PCDH15: variants seen among roughly 807,000 people sequenced by gnomAD.
PCDH15 encodes the protein protocadherin related 15.
A neutral mutation model predicts 178.5 loss-of-function variants in PCDH15; 129 were observed. That is an observed-to-expected ratio of 0.72 (90% CI 0.63 to 0.84). PCDH15 has a LOEUF of 0.84. Among genes scored for constraint, PCDH15 ranks in the 40% least tolerant of loss-of-function variants. The probability of loss-of-function intolerance (pLI) is 0.00; values close to 1 mark genes in which losing one functional copy is unlikely to be tolerated. For synonymous variants in PCDH15, 800 were observed against 732.0 expected (o/e 1.09, Z -1.50); for missense variants, 2,230 against 2,099.9 (o/e 1.06, Z -1.21).
At chr10:55,121,354 G>A (rs534942395) in intron 2 of PCDH15, among the ~76,000 whole-genome samples, 3 of 55,342 alleles carry the variant, frequency 5.4e-5, no homozygotes, top group Admixed American at 3.0e-4. Context: ...CACAGGCTCA[G>A]AGCTGGGGGG....
At chr10:53,818,951 G>T (rs2132451551) in intron 33 of PCDH15, among the ~76,000 whole-genome samples, 1 of 151,974 alleles carries the variant, frequency 6.6e-6, no homozygotes, top group Admixed American at 6.6e-5. Flanking sequence ...ATCTTGTATG[G>T]TTTATGCATT....
At chr10:53,877,733 T>C (rs1201165261) in intron 26 of PCDH15, among the ~76,000 whole-genome samples, 1 of 152,124 alleles carries the variant, frequency 6.6e-6, no homozygotes, top group Non-Finnish European at 1.5e-5. Flanking sequence ...TGAACTGTTC[T>C]AAAAAATTTC....
At chr10:54,303,298 C>G (rs1353537384) in intron 8 of PCDH15, among the ~76,000 whole-genome samples, 2 of 151,724 alleles carry the variant, frequency 1.3e-5, no homozygotes, top group African/African-American at 4.8e-5. Flanking sequence ...TTCTACAGAC[C>G]AAAAATATTG....
chr10:54,622,308 CT>C (rs2093378349), intron 2 of PCDH15, among the ~76,000 whole-genome samples: 2 of 151,280 alleles, frequency 1.3e-5, no homozygotes, highest in African/African-American at 4.9e-5. Context: ...TCAGACTTCC[CT>C]GGCTTTTCCT....
intron 2 of PCDH15, among the ~76,000 whole-genome samples, chr10:55,057,971 G>A (rs549670315): frequency 4.6e-5 from 7 of 151,802 alleles, no homozygotes; most frequent in Non-Finnish European, 1.0e-4. Flanking sequence ...TAAATGTTTT[G>A]TTTTATTAAC....
At chr10:53,966,956 T>G (rs966308296) in intron 21 of PCDH15, among the ~76,000 whole-genome samples, 23 of 152,154 alleles carry the variant, frequency 1.5e-4, no homozygotes, top group African/African-American at 5.1e-4. Flanking sequence ...CAGGCTGATG[T>G]GCAGTGGCAT....
At chr10:54,647,335 A>T (rs557314131) in intron 2 of PCDH15, among the ~76,000 whole-genome samples, 48 of 152,152 alleles carry the variant, frequency 3.2e-4, no homozygotes, top group African/African-American at 1.2e-3. Context: ...GTGCCAGGGG[A>T]AAGAATAGAA....
At chr10:53,844,713 T>C (rs2077864909) in intron 28 of PCDH15, among the ~76,000 whole-genome samples, 1 of 151,986 alleles carries the variant, frequency 6.6e-6, no homozygotes, top group South Asian at 2.1e-4. Context: ...TCTTTTTCTA[T>C]GTACAAAAAT....
At chr10:54,364,842 A>T (rs1342679484) in intron 5 of PCDH15, among the ~76,000 whole-genome samples, 4 of 152,118 alleles carry the variant, frequency 2.6e-5, no homozygotes, top group East Asian at 3.9e-4. Context: ...GCTCATTCAG[A>T]TTATTGGCTG....
chr10:55,333,631 G>A (rs11598909), intron 2 of PCDH15, among the ~76,000 whole-genome samples: 39,520 of 151,806 alleles, frequency 0.26, 6,316 homozygotes, highest in Admixed American at 0.36. Context: ...ATTTACAGAG[G>A]ATGTTATTTG....
chr10:55,180,037 C>A (rs1329377070), intron 1 of PCDH15, among the ~76,000 whole-genome samples: 1 of 151,942 alleles, frequency 6.6e-6, no homozygotes, highest in South Asian at 2.1e-4. Context: ...CATATACCTA[C>A]AATTCAAGCA....
intron 20 of PCDH15, among the ~76,000 whole-genome samples, chr10:54,012,355 C>T (rs572366956): frequency 2.6e-4 from 40 of 152,226 alleles, no homozygotes; most frequent in African/African-American, 9.4e-4. Flanking sequence ...AAGCAGGCAA[C>T]TTGGAAAACA....
intron 10 of PCDH15, among the ~76,000 whole-genome samples, chr10:54,200,499 A>G (rs2133972201): frequency 6.6e-6 from 1 of 151,192 alleles, no homozygotes; most frequent in South Asian, 2.1e-4. Context: ...CTCAACTCCC[A>G]CTTCTTAGAT....
intron 2 of PCDH15, among the ~76,000 whole-genome samples, chr10:55,438,127 G>A (rs557720887): frequency 2.0e-5 from 3 of 151,672 alleles, no homozygotes; most frequent in Non-Finnish European, 2.9e-5. Context: ...GAGCCCCTGC[G>A]CCTGGCCTCT....
intron 1 of PCDH15, among the ~76,000 whole-genome samples, chr10:54,675,688 T>C (rs2094773922): frequency 6.6e-6 from 1 of 152,162 alleles, no homozygotes; most frequent in African/African-American, 2.4e-5. Flanking sequence ...CTTTCCTTTG[T>C]ATTCAGCGAA....
At chr10:53,833,726 C>T (rs984142501) in intron 29 of PCDH15, among the ~76,000 whole-genome samples, 6 of 152,058 alleles carry the variant, frequency 3.9e-5, no homozygotes, top group African/African-American at 1.4e-4. Context: ...GTTATAAATA[C>T]TACAATTTTA....
At chr10:54,911,629 C>T (rs1157201255) in intron 2 of PCDH15, among the ~76,000 whole-genome samples, 4 of 152,076 alleles carry the variant, frequency 2.6e-5, no homozygotes, top group Non-Finnish European at 2.9e-5. Flanking sequence ...ACCTAAATCT[C>T]ATATTGAATT....
intron 3 of PCDH15, among the ~76,000 whole-genome samples, chr10:54,494,631 C>A (rs906222557): frequency 6.6e-6 from 1 of 152,114 alleles, no homozygotes; most frequent in Non-Finnish European, 1.5e-5. Flanking sequence ...TATAACCTTA[C>A]CTACTTCTCC....
chr10:54,821,517 G>C (rs1206653922), intron 3 of PCDH15, among the ~76,000 whole-genome samples: 14 of 151,918 alleles, frequency 9.2e-5, no homozygotes, highest in Admixed American at 9.2e-4. Flanking sequence ...CACATACCAA[G>C]AAAATCACAA....
Sources: gnomAD v4.1 joint callset for allele counts (sites outside exome capture counted in the v4.1 genomes callset) on GRCh38, gnomAD v4.1.1 for gene constraint, MANE v1.5 for transcripts, NCBI Gene and HGNC (gene_info 2026-07-23, HGNC 2026-07-21) for gene names.